RASSF3: variants seen among roughly 807,000 people sequenced by gnomAD.
RASSF3 encodes ras association domain-containing protein 3.
A neutral mutation model predicts 19.9 loss-of-function variants in RASSF3; 19 were observed. That is an observed-to-expected ratio of 0.96 (90% confidence interval 0.67 to 1.40). RASSF3 has a LOEUF of 1.40. Ranked by LOEUF, RASSF3 falls within the 40% of genes most tolerant of loss-of-function variation. The pLI is 0.00. For synonymous variants in RASSF3, 110 were observed against 104.2 expected (o/e 1.06, Z -0.34); for missense variants, 306 against 289.8 (o/e 1.06, Z -0.41).
At chr12:64,542,895 G>T (rs572196309), downstream of RASSF3, among the ~76,000 whole-genome samples, 9 of 152,288 alleles carry the variant, frequency 5.9e-5, no homozygotes, top group African/African-American at 9.6e-5. Context: ...GGCCGAGGCC[G>T]GAGGCGGCTC....
chr12:64,512,571 G>A (rs1302912639), intron 1 of RASSF3, among the ~76,000 whole-genome samples: 2 of 152,106 alleles, frequency 1.3e-5, no homozygotes, highest in Non-Finnish European at 2.9e-5. Flanking sequence ...TTTAGATGCA[G>A]AAAAAATATT....
chr12:64,665,156 C>T (rs60890603), intron 1 of RASSF3, among the ~76,000 whole-genome samples: 3 of 152,146 alleles, frequency 2.0e-5, no homozygotes, highest in African/African-American at 7.2e-5. Context: ...CTAGGAGTTG[C>T]ATGGATCTGG....
intron 1 of RASSF3, among the ~76,000 whole-genome samples, chr12:64,649,739 C>T (rs757042985): frequency 3.9e-5 from 6 of 151,944 alleles, no homozygotes; most frequent in Non-Finnish European, 7.4e-5. Context: ...AGTGTGCCAA[C>T]TTCTTTGGGC....
upstream of RASSF3, among the ~76,000 whole-genome samples, chr12:64,531,889 T>C (rs751940734): frequency 1.8e-4 from 27 of 152,224 alleles, no homozygotes; most frequent in African/African-American, 5.8e-4. Context: ...ATTTTGGGGC[T>C]GCTGAAGGGT....
intron 1 of RASSF3, among the ~76,000 whole-genome samples, chr12:64,612,578 C>T (rs1795616): frequency 0.085 from 12,715 of 149,190 alleles, 595 homozygotes; most frequent in Non-Finnish European, 0.098. Context: ...CTGGTTCAAG[C>T]GATTCCCTTG....
At chr12:64,566,624 T>C (rs1489517313) in intron 2 of RASSF3, among the ~76,000 whole-genome samples, 1 of 152,080 alleles carries the variant, frequency 6.6e-6, no homozygotes, top group Non-Finnish European at 1.5e-5. Flanking sequence ...AATCCTAAAA[T>C]GGCAACACTG....
chr12:64,541,531 C>G, intron 1 of RASSF3: 2 of 398,216 alleles, frequency 5.0e-6, no homozygotes, highest in Non-Finnish European at 8.9e-6. Context: ...GTTGGATGAA[C>G]AGAGAACGAC....
intron 1 of RASSF3, among the ~76,000 whole-genome samples, chr12:64,650,146 A>G (rs986398640): frequency 6.6e-6 from 1 of 152,170 alleles, no homozygotes; most frequent in African/African-American, 2.4e-5. Context: ...CCCCAGTATA[A>G]ACTTTAAATG....
chr12:64,577,941 A>T (rs1430987062), intron 2 of RASSF3, among the ~76,000 whole-genome samples: 1 of 151,902 alleles, frequency 6.6e-6, no homozygotes, highest in Non-Finnish European at 1.5e-5. Flanking sequence ...TAAAATTGCC[A>T]GGTGTGATGG....
At chr12:64,665,891 A>T (rs147849370) in intron 1 of RASSF3, among the ~76,000 whole-genome samples, 78 of 152,294 alleles carry the variant, frequency 5.1e-4, no homozygotes, top group African/African-American at 1.8e-3. Context: ...CCTGCCCTTC[A>T]TCAATAGCAG....
At chr12:64,644,938 G>A (rs1871678584) in intron 1 of RASSF3, among the ~76,000 whole-genome samples, 1 of 151,982 alleles carries the variant, frequency 6.6e-6, no homozygotes, top group African/African-American at 2.4e-5. Flanking sequence ...GCTTAGCATG[G>A]TGCCGTGTGC....
chr12:64,650,704 C>T (rs570786133), intron 1 of RASSF3, among the ~76,000 whole-genome samples: 36 of 151,986 alleles, frequency 2.4e-4, no homozygotes, highest in Admixed American at 4.6e-4. Flanking sequence ...CGTGAGCCAC[C>T]GCGCCTGGCC....
chr12:64,639,805 A>G (rs1328587569), intron 1 of RASSF3, among the ~76,000 whole-genome samples: 1 of 152,120 alleles, frequency 6.6e-6, no homozygotes, highest in Non-Finnish European at 1.5e-5. Context: ...CAATTTTCCT[A>G]TTATGGTATA....
intron 1 of RASSF3, among the ~76,000 whole-genome samples, chr12:64,616,897 C>A (rs529765086): frequency 6.6e-6 from 1 of 152,294 alleles, no homozygotes; most frequent in South Asian, 2.1e-4. Context: ...GAGTTGCCGC[C>A]CTCCATTCTC....
intron 2 of RASSF3, among the ~76,000 whole-genome samples, chr12:64,590,279 T>C (rs181209001): frequency 1.3e-5 from 2 of 150,708 alleles, no homozygotes; most frequent in Non-Finnish European, 3.0e-5. Context: ...CCTGTAACAA[T>C]GTGTTCTGTA....
intron 2 of RASSF3, among the ~76,000 whole-genome samples, chr12:64,549,984 ATAT>A (rs1208912621): frequency 7.2e-5 from 11 of 152,202 alleles, no homozygotes; most frequent in South Asian, 4.1e-4. Flanking sequence ...GTCTATCAAG[ATAT>A]TATTATTCTC....
chr12:64,570,848 G>T (rs1592404164), intron 2 of RASSF3, among the ~76,000 whole-genome samples: 1 of 152,298 alleles, frequency 6.6e-6, no homozygotes, highest in Non-Finnish European at 1.5e-5. Context: ...GTCCTACCCT[G>T]CTCCAGAGGA....
At chr12:64,514,837 T>C (rs2136099552) in intron 1 of RASSF3, among the ~76,000 whole-genome samples, 1 of 152,322 alleles carries the variant, frequency 6.6e-6, no homozygotes, top group South Asian at 2.1e-4. Context: ...ACATTAGCAT[T>C]ATCTGTCTCT....
At chr12:64,605,483 C>G (rs553610985) in intron 2 of RASSF3, among the ~76,000 whole-genome samples, 6 of 152,144 alleles carry the variant, frequency 3.9e-5, no homozygotes, top group African/African-American at 1.4e-4. Flanking sequence ...CTACCAATGT[C>G]AATGGAGGAG....
Sources: gnomAD v4.1 joint callset for allele counts (sites outside exome capture counted in the v4.1 genomes callset) on GRCh38, gnomAD v4.1.1 for gene constraint, MANE v1.5 for transcripts, NCBI Gene and HGNC (gene_info 2026-07-23, HGNC 2026-07-21) for gene names.